The following NXPE2 variants were observed in gnomAD, a reference collection of about 807,000 sequenced individuals.
The protein encoded by NXPE2 is neurexophilin and PC-esterase domain family member 2.
Under a neutral mutation model 34.4 loss-of-function variants are expected in NXPE2, and 34 were observed. The ratio of observed to expected loss-of-function variants is 0.99; its 90% CI spans 0.75 to 1.31. The LOEUF (loss-of-function observed/expected upper bound fraction) is 1.31, where lower values mean the gene tolerates loss of function less well. NXPE2 is among the 40% of genes most tolerant of loss of function. NXPE2 has a pLI of 0.00. For missense variants in NXPE2, 649 were observed against 672.5 expected, an observed-to-expected ratio of 0.97 and a Z score of 0.39; for synonymous variants, 235 against 231.3, an observed-to-expected ratio of 1.02 and a Z score of -0.15.
the NXPE2 span, among the ~76,000 whole-genome samples, chr11:114,640,581 T>G: frequency 6.6e-6 from 1 of 151,918 alleles, no homozygotes; most frequent in Non-Finnish European, 1.5e-5. Context: ...CCACAATGCA[T>G]AAGTGTTCCC....
At chr11:114,781,716 G>C in the NXPE2 span, among the ~76,000 whole-genome samples, 1 of 152,146 alleles carries the variant, frequency 6.6e-6, no homozygotes, top group Non-Finnish European at 1.5e-5. Flanking sequence ...GAAGTCTGTA[G>C]GGTGGTCTAT....
the NXPE2 span, among the ~76,000 whole-genome samples, chr11:114,577,291 A>G: frequency 6.6e-6 from 1 of 151,574 alleles, no homozygotes; most frequent in African/African-American, 2.4e-5. Flanking sequence ...AAGTGAAGTA[A>G]CTCAGGAATG....
chr11:114,706,048 AAAT>A (rs1317039844), intron 5 of NXPE2, 52 bp downstream of exon 5: 1 of 722,812 alleles, frequency 1.4e-6, no homozygotes, highest in Non-Finnish European at 2.0e-6. Context: ...GAGGGTTTTG[AAAT>A]AATAATTAGA....
At chr11:114,543,192 C>T in the NXPE2 span, among the ~76,000 whole-genome samples, 1 of 151,908 alleles carries the variant, frequency 6.6e-6, no homozygotes, top group African/African-American at 2.4e-5. Context: ...TCTGTGTTTA[C>T]TAAAAATACA....
chr11:114,619,297 G>C, the NXPE2 span, among the ~76,000 whole-genome samples: 31 of 152,108 alleles, frequency 2.0e-4, no homozygotes, highest in Non-Finnish European at 1.9e-4. Flanking sequence ...TTGCCTCGTG[G>C]GTAACCACTG....
intron 3 of NXPE2, among the ~76,000 whole-genome samples, chr11:114,703,578 T>A (rs1951407623): frequency 6.6e-6 from 1 of 152,184 alleles, no homozygotes. Context: ...GATGAGGGCC[T>A]GAATTACTAC....
chr11:114,511,049 A>G, the NXPE2 span, among the ~76,000 whole-genome samples: 1 of 152,314 alleles, frequency 6.6e-6, no homozygotes, highest in African/African-American at 2.4e-5. Flanking sequence ...TAGGAAATTA[A>G]TAGAAAATAC....
At chr11:114,565,237 G>A in the NXPE2 span, among the ~76,000 whole-genome samples, 1 of 152,016 alleles carries the variant, frequency 6.6e-6, no homozygotes, top group Admixed American at 6.6e-5. Flanking sequence ...TGAATTTTGG[G>A]GCCTCTCTGT....
the NXPE2 span, among the ~76,000 whole-genome samples, chr11:114,500,903 G>T: frequency 2.0e-5 from 3 of 152,128 alleles, no homozygotes; most frequent in Non-Finnish European, 2.9e-5. Flanking sequence ...TTATTTTGGT[G>T]ACTTTGTTGA....
the NXPE2 span, chr11:114,554,152 T>A: frequency 2.0e-6 from 2 of 985,338 alleles, no homozygotes; most frequent in African/African-American, 3.5e-5. Flanking sequence ...ATTGAATCAA[T>A]GTACAGAGCC....
intron 2 of NXPE2, among the ~76,000 whole-genome samples, chr11:114,688,415 C>A (rs1158271200): frequency 6.6e-6 from 1 of 152,064 alleles, no homozygotes; most frequent in African/African-American, 2.4e-5. Flanking sequence ...TTAAACCATC[C>A]TTGCATCCCT....
the NXPE2 span, among the ~76,000 whole-genome samples, chr11:114,717,003 C>A: frequency 6.6e-6 from 1 of 152,074 alleles, no homozygotes; most frequent in African/African-American, 2.4e-5. Flanking sequence ...TTTTAAAAAT[C>A]TTTTTAAAGA....
the NXPE2 span, among the ~76,000 whole-genome samples, chr11:114,592,383 A>G: frequency 2.0e-5 from 3 of 152,106 alleles, no homozygotes; most frequent in Admixed American, 6.6e-5. Flanking sequence ...ACCAATACCA[A>G]ACAACCTGAA....
At chr11:114,577,179 T>A in the NXPE2 span, among the ~76,000 whole-genome samples, 25 of 145,620 alleles carry the variant, frequency 1.7e-4, no homozygotes, top group South Asian at 1.3e-3. Flanking sequence ...TATATATATA[T>A]AAAATGTTAT....
chr11:114,702,026 T>C (rs1433004643), intron 3 of NXPE2, among the ~76,000 whole-genome samples: 2 of 152,194 alleles, frequency 1.3e-5, no homozygotes, highest in Non-Finnish European at 2.9e-5. Context: ...GTTCTCTCCC[T>C]CAACCTTGGC....
chr11:114,761,322 GAA>G, the NXPE2 span, among the ~76,000 whole-genome samples: 29 of 152,288 alleles, frequency 1.9e-4, no homozygotes, highest in Admixed American at 7.2e-4. Context: ...AACTGAAAGA[GAA>G]AGCAATCCGT....
chr11:114,654,789 A>C, the NXPE2 span, among the ~76,000 whole-genome samples: 1 of 152,176 alleles, frequency 6.6e-6, no homozygotes, highest in African/African-American at 2.4e-5. Context: ...ATATGTGTGC[A>C]TGTGTCTTTA....
At chr11:114,507,481 C>T in the NXPE2 span, among the ~76,000 whole-genome samples, 4 of 151,996 alleles carry the variant, frequency 2.6e-5, no homozygotes, top group Non-Finnish European at 5.9e-5. Context: ...AACATCGATG[C>T]AAAAATCTTG....
At chr11:114,703,692 AGATAGAT>A (rs879551140) in intron 3 of NXPE2, among the ~76,000 whole-genome samples, 265 of 18,196 alleles carry the variant, frequency 0.015, no homozygotes, top group East Asian at 0.052. Context: ...ATAGATAGAT[AGATAGAT>A]GATAGATAGA....
Sources: allele counts gnomAD v4.1 joint callset (sites outside exome capture counted in the v4.1 genomes callset), GRCh38; gene constraint gnomAD v4.1.1; transcripts MANE v1.5; gene names NCBI Gene and HGNC (gene_info 2026-07-23, HGNC 2026-07-21).